The following SMG6 variants were observed in gnomAD, a reference collection of about 807,000 sequenced individuals.
SMG6 encodes SMG6 nonsense mediated mRNA decay factor.
Under a neutral mutation model 142.2 loss-of-function variants are expected in SMG6, and 66 were observed. The ratio of observed to expected loss-of-function variants is 0.46; its 90% CI spans 0.38 to 0.57. The LOEUF is 0.57. Among genes scored for constraint, SMG6 ranks in the 20% least tolerant of loss-of-function variants. SMG6 has a pLI of 0.00. For synonymous variants in SMG6, 779 were observed against 702.4 expected (o/e 1.11, Z -1.72); for missense variants, 1,793 against 1,832.0 (o/e 0.98, Z 0.39).
chr17:2,256,361 T>C (rs1223154317), intron 8 of SMG6, among the ~76,000 whole-genome samples: 1 of 151,956 alleles, frequency 6.6e-6, no homozygotes, highest in Non-Finnish European at 1.5e-5. Context: ...AGATTGTCAT[T>C]CCACACTTGG....
chr17:2,302,674 G>C (rs528907987), intron 1 of SMG6, among the ~76,000 whole-genome samples: 1 of 152,310 alleles, frequency 6.6e-6, no homozygotes, highest in East Asian at 1.9e-4. Flanking sequence ...TAAGGAAAAG[G>C]GGAAGAAAAG....
intron 10 of SMG6, among the ~76,000 whole-genome samples, chr17:2,217,665 A>G (rs1335239977): frequency 6.6e-6 from 1 of 152,190 alleles, no homozygotes; most frequent in Non-Finnish European, 1.5e-5. Flanking sequence ...AGCCAAGTGC[A>G]CTGGCTCCCC....
intron 1 of SMG6, 143 bp from the exon 2 acceptor site, chr17:2,300,807 AAAG>A: frequency 2.8e-6 from 2 of 718,780 alleles, no homozygotes; most frequent in Non-Finnish European, 4.4e-6. Context: ...ACTGGTAGGC[AAAG>A]AAGGACATTT....
chr17:2,213,905 G>T (rs1246426415), intron 10 of SMG6: 1 of 152,090 alleles, frequency 6.6e-6, no homozygotes, highest in Non-Finnish European at 1.5e-5. Context: ...TAGAATTACA[G>T]CCCATTACCT....
chr17:2,229,676 T>G (rs2073415741), intron 10 of SMG6, among the ~76,000 whole-genome samples: 1 of 152,182 alleles, frequency 6.6e-6, no homozygotes, highest in South Asian at 2.1e-4. Context: ...GTGGTTGTCA[T>G]TACTGGTCAC....
intron 9 of SMG6, among the ~76,000 whole-genome samples, chr17:2,242,467 T>A (rs1378857725): frequency 6.7e-6 from 1 of 149,834 alleles, no homozygotes; most frequent in Non-Finnish European, 1.5e-5. Flanking sequence ...GAGGCGGAGC[T>A]TGCAGTGAGC....
At chr17:2,266,751 A>C (rs1368038794) in intron 8 of SMG6, among the ~76,000 whole-genome samples, 3 of 152,190 alleles carry the variant, frequency 2.0e-5, no homozygotes, top group Non-Finnish European at 4.4e-5. Flanking sequence ...CATTTGGGGC[A>C]TTAAGGGTTT....
chr17:2,153,298 T>C (rs1340449444), intron 13 of SMG6, among the ~76,000 whole-genome samples: 3 of 152,362 alleles, frequency 2.0e-5, no homozygotes, highest in South Asian at 2.1e-4. Context: ...TGTATGATTT[T>C]ATTTATACGT....
intron 6 of SMG6, among the ~76,000 whole-genome samples, chr17:2,288,083 G>A (rs1186521734): frequency 1.3e-5 from 2 of 152,148 alleles, no homozygotes; most frequent in Admixed American, 6.5e-5. Flanking sequence ...GGAGGCCAAG[G>A]TGGGTGGATC....
chr17:2,298,546 C>T (rs576038104), intron 2 of SMG6, among the ~76,000 whole-genome samples: 5 of 151,986 alleles, frequency 3.3e-5, no homozygotes, highest in Middle Eastern at 3.4e-3. Context: ...GGTGAAACTC[C>T]GTCTCTCTAA....
Position 2,085,280 on chromosome 17 carries a change from G to A in SMG6, c.3534+445C>T, listed in dbSNP as rs2068528042. ...GTGCAGGAGGGAGGGAGGGAACAAG[G>A]GAGGGAGGGTAGGGCAGGGGAGGGG... is the stretch of plus-strand genomic sequence containing the variant. On this transcript the variant is annotated intron_variant, in intron 14 of 18. Coordinates refer to ENST00000263073, the MANE Select transcript of SMG6 (RefSeq NM_017575.5). The surrounding 1 kb of genome is among the most constrained non-coding windows in gnomAD (Gnocchi z 4.1). Among the ~76,000 whole-genome samples the A allele has an allele frequency of 6.6e-6, 1 of 151,834 alleles. No individual in the cohort carries two copies. The highest frequency in any genetic ancestry group is 6.6e-5 in the Admixed American group (1 of 15,266).
At chr17:2,227,847 A>G (rs1166962906) in intron 10 of SMG6, among the ~76,000 whole-genome samples, 1 of 152,244 alleles carries the variant, frequency 6.6e-6, no homozygotes, top group Non-Finnish European at 1.5e-5. Flanking sequence ...CCCAAAGAGA[A>G]AACAACCGAA....
At chr17:2,253,187 G>T (rs1253632904) in intron 8 of SMG6, among the ~76,000 whole-genome samples, 1 of 151,120 alleles carries the variant, frequency 6.6e-6, no homozygotes, top group Non-Finnish European at 1.5e-5. Flanking sequence ...TGTCACCCAG[G>T]CTGGAGTGCA....
intron 8 of SMG6, among the ~76,000 whole-genome samples, chr17:2,255,277 G>A (rs989015943): frequency 4.6e-5 from 7 of 150,584 alleles, no homozygotes; most frequent in South Asian, 2.1e-4. Context: ...GGTGGCGGGC[G>A]CCTGTAGTCC....
chr17:2,279,244 T>G (rs1344130752), intron 8 of SMG6, among the ~76,000 whole-genome samples: 1 of 151,920 alleles, frequency 6.6e-6, no homozygotes, highest in Non-Finnish European at 1.5e-5. Flanking sequence ...GGCAGAGAGA[T>G]GAACAACAGC....
rs1791990776 is a variant in SMG6 at position 2,181,232 on chromosome 17, CAA to C, written c.3155+5429_3155+5430del. On this transcript the variant is annotated intron_variant, in intron 12 of 18. Coordinates refer to ENST00000263073, the MANE Select transcript of SMG6 (RefSeq NM_017575.5). ...GGAAGCTACATGAGAATATGGGAAA[CAA>C]AAGAAGGAAGGTGCAATTCTGATTC... Among the ~76,000 whole-genome samples, 2 of 152,208 alleles carry C rather than the reference CAA, an allele frequency of 1.3e-5. 1 individual carries two copies. Among genetic ancestry groups the C allele is most frequent in the South Asian group, 4.1e-4 (2 of 4,834 alleles).
intron 8 of SMG6, among the ~76,000 whole-genome samples, chr17:2,278,654 C>T (rs991410791): frequency 6.6e-6 from 1 of 152,116 alleles, no homozygotes; most frequent in African/African-American, 2.4e-5. Context: ...ATTATATCAT[C>T]CCTCTGCTTA....
rs1207468017 is a variant in SMG6, at chr17:2,102,743, C to A, written c.3358-16842G>T. ...TGCTGTTCAACAGATCTCAGAAAAA[C>A]ACACACCCATCTTTCTCCCATGGAA... On this transcript the variant is annotated intron_variant, in intron 13 of 18. Transcript: ENST00000263073. Among the ~76,000 whole-genome samples the A allele has an allele frequency of 3.9e-4, 59 of 152,100 alleles. 1 individual carries two copies. The highest frequency in any genetic ancestry group is 3.7e-3 in the Admixed American group (57 of 15,256).
Position 2,102,554 on chromosome 17 carries a change from T to A in SMG6, c.3358-16653A>T, listed in dbSNP as rs369685942. 6.1e-3 allele frequency among the ~76,000 whole-genome samples: 872 copies of A among 143,188 alleles called. 4 individuals carry two copies. Among genetic ancestry groups the A allele is most frequent in the African/African-American group, 0.011 (419 of 37,880 alleles). The allele number at this position is 143,188 out of a possible 152,430, so 93.9% of individuals were successfully genotyped here. ...TTTTTTTTTTTTTTTTTTTTTTTTT[T>A]AGAGATGAGGTCTCACTATGTTGCC... On this transcript the variant is annotated intron_variant, in intron 13 of 18. Coordinates refer to ENST00000263073, the MANE Select transcript of SMG6 (RefSeq NM_017575.5).
Sources: gnomAD v4.1 joint callset for allele counts (sites outside exome capture counted in the v4.1 genomes callset) on GRCh38, gnomAD v4.1.1 for gene constraint, Gnocchi (gnomAD v3.1) non-coding constraint, MANE v1.5 for transcripts, NCBI Gene and HGNC (gene_info 2026-07-23, HGNC 2026-07-21) for gene names.